AGO2: variants seen among roughly 807,000 people sequenced by gnomAD.
AGO2 encodes the protein protein argonaute-2.
A neutral mutation model predicts 102.3 loss-of-function variants in AGO2; 5 were observed. The ratio of observed to expected loss-of-function variants is 0.05; its 90% CI spans 0.03 to 0.10. The LOEUF (loss-of-function observed/expected upper bound fraction) is 0.10. Ranked by LOEUF, AGO2 falls within the 10% of genes least tolerant of loss-of-function variation. The probability of loss-of-function intolerance (pLI) is 1.00; values close to 1 mark genes in which losing one functional copy is unlikely to be tolerated. For synonymous variants in AGO2, 449 were observed against 473.1 expected (o/e 0.95, Z 0.66); for missense variants, 541 against 1,183.7 (o/e 0.46, Z 7.97).
At chr8:140,624,169 C>T (rs143459786) in intron 1 of AGO2, among the ~76,000 whole-genome samples, 158 of 152,258 alleles carry the variant, frequency 1.0e-3, no homozygotes, top group African/African-American at 3.7e-3. Flanking sequence ...AGGCCAGCTC[C>T]GAAGAGCCCC....
intron 1 of AGO2, among the ~76,000 whole-genome samples, chr8:140,628,679 G>C (rs151283730): frequency 6.6e-6 from 1 of 151,948 alleles, no homozygotes; most frequent in African/African-American, 2.4e-5. Context: ...GGAGGTGGGA[G>C]GTTTGAACCC....
intron 2 of AGO2, among the ~76,000 whole-genome samples, chr8:140,584,410 G>A (rs1052334982): frequency 2.6e-5 from 4 of 152,184 alleles, no homozygotes; most frequent in Admixed American, 2.6e-4. Context: ...GGGAGCATGG[G>A]AACACCATTT....
chr8:140,567,475 C>T lies in AGO2; in HGVS notation c.337-4841G>A, dbSNP rs575066598. On this transcript the variant is annotated intron_variant, in intron 3 of 18. Transcript: ENST00000220592. This position sits in a 1 kb window ranked among gnomAD's most constrained non-coding sequence, Gnocchi z 5.0. ...AAGGTCACTCCCAGCCCTGCTGCCT[C>T]CCGTGTTCTAACCTCGGGCAGGTGG... Among the ~76,000 whole-genome samples the T allele has an allele frequency of 2.0e-5, 3 of 152,356 alleles. No homozygotes were observed. The highest frequency in any genetic ancestry group is 4.1e-4 in the South Asian group (2 of 4,834).
rs1178878057 is a variant in AGO2, at chr8:140,520,869, A to T, written c.*11175T>A. The T allele has an allele frequency of 1.3e-5, 2 of 152,200 alleles. No homozygotes were observed. The highest frequency in any genetic ancestry group is 2.4e-5 in the African/African-American group (1 of 41,446). The allele number at this position is 152,200 out of a possible 1,614,324, so 9.4% of individuals were successfully genotyped here. A position where few individuals can be genotyped will look rare whatever the true frequency, so the allele number is the denominator to read the frequency against. On this transcript the variant is annotated 3_prime_UTR_variant, in exon 19 of 19. Coordinates refer to ENST00000220592, the MANE Select transcript of AGO2 (RefSeq NM_012154.5). ...TGCCTCCTCAGGTGTATTTGGCTAA[A>T]GTATTATTCTAATATAGGGCAACCT...
chr8:140,591,772 A>G (rs1241037064), intron 1 of AGO2: 1 of 152,248 alleles, frequency 6.6e-6, no homozygotes, highest in Middle Eastern at 3.2e-3. Flanking sequence ...TTTCCTCACA[A>G]GTCAAAAACA....
intron 1 of AGO2, among the ~76,000 whole-genome samples, chr8:140,619,836 T>C (rs574399247): frequency 2.6e-5 from 4 of 152,326 alleles, no homozygotes; most frequent in African/African-American, 9.6e-5. Context: ...GAAACCCTGC[T>C]GGGGTGGATG....
At chr8:140,638,871 T>G, upstream of AGO2, among the ~76,000 whole-genome samples, 1 of 152,042 alleles carries the variant, frequency 6.6e-6, no homozygotes, top group Admixed American at 6.6e-5. Context: ...CCACTACACC[T>G]GACCTTATTT....
At chr8:140,629,120 A>T (rs565174070) in intron 1 of AGO2, among the ~76,000 whole-genome samples, 1 of 152,246 alleles carries the variant, frequency 6.6e-6, no homozygotes, top group East Asian at 1.9e-4. Flanking sequence ...ATAAATTTTT[A>T]AAAATTCTAA....
intron 18 of AGO2, 69 bp downstream of exon 18, chr8:140,532,346 GA>G: frequency 6.5e-7 from 1 of 1,533,288 alleles, no homozygotes; most frequent in African/African-American, 1.4e-5. Context: ...TCCCCTTCCA[GA>G]AAAGCAGCTG....
At chr8:140,552,562 C>A (rs1287969238) in intron 10 of AGO2, among the ~76,000 whole-genome samples, 3 of 152,132 alleles carry the variant, frequency 2.0e-5, no homozygotes, top group Non-Finnish European at 1.5e-5. Context: ...AAATCAGACA[C>A]GTGATAGAAA....
intron 1 of AGO2, among the ~76,000 whole-genome samples, chr8:140,587,921 G>C (rs1174280600): frequency 6.6e-6 from 1 of 152,094 alleles, no homozygotes; most frequent in Non-Finnish European, 1.5e-5. Flanking sequence ...GGCTCCCACT[G>C]CCTGTCCAAC....
intron 1 of AGO2, among the ~76,000 whole-genome samples, chr8:140,599,572 G>A (rs1204898563): frequency 6.6e-6 from 1 of 152,098 alleles, no homozygotes; most frequent in Non-Finnish European, 1.5e-5. Flanking sequence ...ACTACCTATG[G>A]GGTCCAGGCC....
chr8:140,578,651 C>A (rs1206615361), intron 2 of AGO2, among the ~76,000 whole-genome samples: 1 of 152,238 alleles, frequency 6.6e-6, no homozygotes, highest in Non-Finnish European at 1.5e-5. Context: ...GCATGCATTC[C>A]GTCCACCAGT....
In AGO2 at chr8:140,531,960, C is replaced by T. The variant is rs548885351; in HGVS notation, c.*84G>A. ...GTCTCATGTTCGATGCTGGCTGTCACGGAAGGGCTGGCCATCTGTTGGTCT... is the reference window on the plus strand; with the variant it reads ...GTCTCATGTTCGATGCTGGCTGTCATGGAAGGGCTGGCCATCTGTTGGTCT... On this transcript the variant is annotated 3_prime_UTR_variant, in exon 19 of 19. Coordinates refer to ENST00000220592, the MANE Select transcript of AGO2 (RefSeq NM_012154.5). The T allele has an allele frequency of 1.7e-5, 20 of 1,192,036 alleles. No individual in the cohort carries two copies. The highest frequency in any genetic ancestry group is 1.9e-4 in the Middle Eastern group (1 of 5,188). The allele number at this position is 1,192,036 out of a possible 1,614,324, so 73.8% of individuals were successfully genotyped here. A position where few individuals can be genotyped will look rare whatever the true frequency, so the allele number is the denominator to read the frequency against.
rs1240010929 is a variant in AGO2 at position 140,528,627 on chromosome 8, C to T, written c.*3417G>A. On this transcript the variant is annotated 3_prime_UTR_variant, in exon 19 of 19. Coordinates refer to ENST00000220592, the MANE Select transcript of AGO2 (RefSeq NM_012154.5). The surrounding 1 kb of genome is among the most constrained non-coding windows in gnomAD (Gnocchi z 4.5). ...GTGTGAGACCACCACCGAAAAGCAA[C>T]ATCATCTGGAAAAGAAAAGGGAGAC... is the stretch of plus-strand genomic sequence containing the variant. The T allele has an allele frequency of 2.0e-5, 3 of 152,134 alleles. No individual in the cohort carries two copies. Among genetic ancestry groups the T allele is most frequent in the Admixed American group, 6.5e-5 (1 of 15,278 alleles). 9.4% of individuals were successfully genotyped at this position (152,134 alleles called of 1,614,324 possible).
intron 2 of AGO2, among the ~76,000 whole-genome samples, chr8:140,577,531 G>A (rs1016872198): frequency 1.2e-4 from 18 of 152,190 alleles, no homozygotes; most frequent in African/African-American, 4.3e-4. Flanking sequence ...TTATTTGATA[G>A]GATTTAACAA....
intron 1 of AGO2, among the ~76,000 whole-genome samples, chr8:140,621,444 TCCATTCA>T (rs1215488942): frequency 5.3e-5 from 8 of 152,126 alleles, no homozygotes; most frequent in Non-Finnish European, 8.8e-5. Context: ...CAAGACTGTG[TCCATTCA>T]CCATTGTCCC....
At position 140,562,965 on chromosome 8, in the gene AGO2, G is replaced by A. The variant is rs187151193; in HGVS notation, c.337-331C>T. Among the ~76,000 whole-genome samples, 336 of 152,114 alleles carry A rather than the reference G, an allele frequency of 2.2e-3. 1 individual carries two copies. The highest frequency in any genetic ancestry group is 6.8e-3 in the Middle Eastern group (2 of 294). ...CTCCTCCCAGTCTCTGAATCGCCCCGTCCCTCACCTATGGGTTGCACCTAA... is the reference window on the plus strand; with the variant it reads ...CTCCTCCCAGTCTCTGAATCGCCCCATCCCTCACCTATGGGTTGCACCTAA... On this transcript the variant is annotated intron_variant, in intron 3 of 18. Transcript: ENST00000220592.
chr8:140,610,151 G>C (rs2074057614), intron 1 of AGO2, among the ~76,000 whole-genome samples: 1 of 151,910 alleles, frequency 6.6e-6, no homozygotes, highest in Admixed American at 6.6e-5. Context: ...GCTGCAGTGG[G>C]CTATGATCAG....
Sources: gnomAD v4.1 joint callset for allele counts (sites outside exome capture counted in the v4.1 genomes callset) on GRCh38, gnomAD v4.1.1 for gene constraint, Gnocchi (gnomAD v3.1) non-coding constraint, MANE v1.5 for transcripts, NCBI Gene and HGNC (gene_info 2026-07-23, HGNC 2026-07-21) for gene names.